The following UGGT1 variants were observed in gnomAD, a reference collection of about 807,000 sequenced individuals.
The protein encoded by UGGT1 is UDP-glucose:glycoprotein glucosyltransferase 1.
Under a neutral mutation model 203.9 loss-of-function variants are expected in UGGT1, and 107 were observed. The observed-to-expected ratio is 0.52, with a 90% CI of 0.45 to 0.62. UGGT1 has a LOEUF of 0.62. Among genes scored for constraint, UGGT1 ranks in the 20% least tolerant of loss-of-function variants. UGGT1 has a pLI of 0.00. For synonymous variants in UGGT1, 628 were observed against 653.5 expected (o/e 0.96, Z 0.59); for missense variants, 1,673 against 1,867.2 (o/e 0.90, Z 1.92).
chr2:128,129,435 G>C (rs1391255948), intron 13 of UGGT1, among the ~76,000 whole-genome samples: 2 of 141,008 alleles, frequency 1.4e-5, no homozygotes, highest in Non-Finnish European at 3.0e-5. Flanking sequence ...GTCTTGCTCT[G>C]TTGTCCAGGC....
intron 13 of UGGT1, among the ~76,000 whole-genome samples, chr2:128,132,445 G>A (rs898889426): frequency 3.9e-5 from 6 of 152,100 alleles, no homozygotes; most frequent in Non-Finnish European, 7.3e-5. Flanking sequence ...CTACTCGGGG[G>A]GCTGAGGCAC....
chr2:128,107,738 G>C (rs1016481540), intron 3 of UGGT1, among the ~76,000 whole-genome samples, 200 bp from the exon 4 acceptor site: 1 of 152,208 alleles, frequency 6.6e-6, no homozygotes, highest in Non-Finnish European at 1.5e-5. Context: ...GGAATAGTTC[G>C]AAAGGTGAGA....
rs571785992 is a variant in UGGT1, at chr2:128,126,668, C to G, written c.1135-693C>G. Among the ~76,000 whole-genome samples, 9 of 149,474 alleles carry G rather than the reference C, an allele frequency of 6.0e-5. No individual in the cohort carries two copies. The South Asian group carries it at 1.9e-3, about 32-fold the overall frequency. On this transcript the variant is annotated intron_variant, in intron 11 of 40. Transcript: ENST00000259253. ...GACCTAGAAATAGATATGCTATTCA[C>G]CAGCTCAGGGTCAGTCTTTTTTTTT...
At chr2:128,154,707 C>T (rs1206771514) in intron 19 of UGGT1, among the ~76,000 whole-genome samples, 1 of 152,088 alleles carries the variant, frequency 6.6e-6, no homozygotes, top group Non-Finnish European at 1.5e-5. Flanking sequence ...TGTCAAGTGA[C>T]AGTGTAGATG....
At chr2:128,106,004 A>G (rs373872799) in intron 3 of UGGT1, among the ~76,000 whole-genome samples, 33 of 152,146 alleles carry the variant, frequency 2.2e-4, no homozygotes, top group Admixed American at 6.5e-4. Flanking sequence ...TGTGTTGCAC[A>G]TGCTGGTCTC....
chr2:128,148,977 G>A (rs1689818557), intron 18 of UGGT1, among the ~76,000 whole-genome samples: 1 of 152,122 alleles, frequency 6.6e-6, no homozygotes, highest in Non-Finnish European at 1.5e-5. Flanking sequence ...TGATTTTCAA[G>A]GCTTTGTGCA....
At chr2:128,142,187 C>T (rs963542400) in intron 16 of UGGT1, among the ~76,000 whole-genome samples, 17 of 151,926 alleles carry the variant, frequency 1.1e-4, no homozygotes, top group African/African-American at 4.1e-4. Context: ...CCACCCGCCT[C>T]ACCCTCCCAA....
At position 128,178,491 on chromosome 2, in the gene UGGT1, A is replaced by G; in HGVS notation, c.3737A>G (p.Glu1246Gly). 6.2e-7 allele frequency: 1 copy of G among 1,613,872 alleles called. No individual in the cohort carries two copies. The highest frequency in any genetic ancestry group is 8.5e-7 in the Non-Finnish European group (1 of 1,179,966). The part of the protein sequence containing the change: ...FKWGFTGQKT[E>G]EVKQDKDDII... ...AGGGGCTTTACAGGACAGAAGACTGAGGAAGTGAAGCAAGATAAAGATGAC... is the reference window on the plus strand; with the variant it reads ...AGGGGCTTTACAGGACAGAAGACTGGGGAAGTGAAGCAAGATAAAGATGAC... The change falls in exon 34 of 41, where the codon GAG (glutamate) becomes GGG (glycine). Residue 1246 changes from glutamate to glycine, a missense_variant. Coordinates refer to ENST00000259253, the MANE Select transcript of UGGT1 (RefSeq NM_020120.4).
At chr2:128,094,643 A>G (rs1215009039) in intron 1 of UGGT1, among the ~76,000 whole-genome samples, 1 of 151,462 alleles carries the variant, frequency 6.6e-6, no homozygotes, top group Non-Finnish European at 1.5e-5. Context: ...TTTTTTTACA[A>G]ACCGTGTCTA....
At chr2:128,177,526 A>T (rs1040592989) in intron 32 of UGGT1, among the ~76,000 whole-genome samples, 1 of 151,748 alleles carries the variant, frequency 6.6e-6, no homozygotes, top group African/African-American at 2.4e-5. Flanking sequence ...CTGTTGACTC[A>T]TTGAATCGTG....
chr2:128,145,346 G>A (rs1281762818), intron 17 of UGGT1, among the ~76,000 whole-genome samples: 1 of 152,142 alleles, frequency 6.6e-6, no homozygotes, highest in Non-Finnish European at 1.5e-5. Flanking sequence ...CAGGTTTCAG[G>A]TGCTCAGTAG....
At chr2:128,139,447 A>G (rs903303855) in intron 16 of UGGT1, among the ~76,000 whole-genome samples, 3 of 152,110 alleles carry the variant, frequency 2.0e-5, no homozygotes, top group African/African-American at 7.2e-5. Context: ...TTTTATTGTT[A>G]TAAGTACACA....
chr2:128,133,381 C>A, intron 14 of UGGT1, 121 bp downstream of exon 14: 1 of 1,309,416 alleles, frequency 7.6e-7, no homozygotes, highest in Non-Finnish European at 1.1e-6. Flanking sequence ...CACCCTTCAC[C>A]AAATACTCTT....
chr2:128,109,306 C>G (rs1485054343), intron 4 of UGGT1, among the ~76,000 whole-genome samples: 1 of 152,180 alleles, frequency 6.6e-6, no homozygotes, highest in African/African-American at 2.4e-5. Context: ...CAGGCTCAAG[C>G]AATCCTCCTA....
At chr2:128,151,410 G>T in intron 18 of UGGT1, 2 of 372,834 alleles carry the variant, frequency 5.4e-6, no homozygotes, top group South Asian at 2.3e-5. Context: ...CCTTGAACTC[G>T]ATGGGCTTCT....
rs756366154 is a variant in UGGT1, at chr2:128,183,712, A to G, written c.4282A>G (p.Ile1428Val). ...YVVDLKKFRK[I>V]AAGDRLRGQY... is the part of the protein sequence containing the mutation. ...TGTGGATCTGAAGAAGTTTAGGAAA[A>G]TAGCTGCTGGTGACAGACTCAGGGG... The change falls in exon 38 of 41, where the codon ATA becomes GTA. Residue 1428 changes from isoleucine to valine, a missense_variant. Physicochemically the swap from Ile to Val is conservative, Grantham distance 29. This residue lies in a region of UGGT1 where 513 missense variants were observed against 684.1 expected (regional missense o/e 0.75). Transcript: ENST00000259253. 49 of 1,614,014 alleles carry G rather than the reference A, an allele frequency of 3.0e-5. No homozygotes were observed. The highest frequency in any genetic ancestry group is 4.0e-5 in the Non-Finnish European group (47 of 1,179,978).
intron 37 of UGGT1, among the ~76,000 whole-genome samples, chr2:128,183,331 C>G (rs74770389): frequency 9.2e-5 from 14 of 152,274 alleles, no homozygotes; most frequent in Middle Eastern, 6.8e-3. Context: ...TTTTCCCCCC[C>G]CTGTAACATT....
chr2:128,133,599 A>G (rs950587935), intron 14 of UGGT1, among the ~76,000 whole-genome samples: 1 of 152,162 alleles, frequency 6.6e-6, no homozygotes. Flanking sequence ...CAGCTTTTCC[A>G]GATTGAATAA....
chr2:128,192,024 T>C lies in UGGT1; in HGVS notation c.*2282T>C, dbSNP rs1692287493. ...CAAATACTCAAGTCACTGGGATATA[T>C]GCTTTCCAAATGCTGGCCCCCATAG... On this transcript the variant is annotated 3_prime_UTR_variant, in exon 41 of 41. Transcript: ENST00000259253. 1 of 152,334 alleles carries C rather than the reference T, an allele frequency of 6.6e-6. No individual in the cohort carries two copies. Among genetic ancestry groups the C allele is most frequent in the Admixed American group, 6.5e-5 (1 of 15,274 alleles). The allele number at this position is 152,334 out of a possible 1,614,324, so 9.4% of individuals were successfully genotyped here.
Sources: gnomAD v4.1 joint callset for allele counts (sites outside exome capture counted in the v4.1 genomes callset) on GRCh38, gnomAD v4.1.1 for gene constraint, gnomAD v4.1.1 regional missense constraint, MANE v1.5 for transcripts, NCBI Gene and HGNC (gene_info 2026-07-23, HGNC 2026-07-21) for gene names.